The following DNMT3A variants were observed in gnomAD, a reference collection of about 807,000 sequenced individuals.
DNMT3A encodes DNA methyltransferase 3 alpha.
A neutral mutation model predicts 117.6 loss-of-function variants in DNMT3A; 267 were observed. The ratio of observed to expected loss-of-function variants is 2.27; its 90% confidence interval spans 2.05 to 2.51. DNMT3A has a LOEUF of 2.51. DNMT3A is among the 30% of genes most tolerant of loss of function. DNMT3A has a pLI of 0.00. For synonymous variants in DNMT3A, 432 were observed against 474.8 expected (o/e 0.91, Z 1.17); for missense variants, 1,029 against 1,260.2 (o/e 0.82, Z 2.78).
rs1193854504 is a variant in DNMT3A, at chr2:25,252,427, C to A, written c.640-4175G>T. 2 of 435,268 alleles carry A rather than the reference C, an allele frequency of 4.6e-6. No individual in the cohort carries two copies. 27.0% of individuals were successfully genotyped at this position (435,268 alleles called of 1,614,324 possible). ...AGGGCCTGGTTGGCTGCGAGCGGCC[C>A]GGGGAGGGGGCCGGCGCTCCGACGC... On this transcript the variant is annotated intron_variant, in intron 6 of 22. Transcript: ENST00000321117. This position sits in a 1 kb window ranked among gnomAD's most constrained non-coding sequence, Gnocchi z 5.5.
Position 25,281,786 on chromosome 2 carries a change from A to G in DNMT3A, c.448+655T>C. On this transcript the variant is annotated intron_variant, in intron 4 of 22. Coordinates refer to ENST00000321117, the MANE Select transcript of DNMT3A (RefSeq NM_022552.5). This position sits in a 1 kb window ranked among gnomAD's most constrained non-coding sequence, Gnocchi z 4.8. ...AAAGTGGGCAACTTTCCAGGCTTCC[A>G]GGGTTAGGCCAAAAAGTCCCCAGAT... 1 of 1,065,978 alleles carries G rather than the reference A, an allele frequency of 9.4e-7. No individual in the cohort carries two copies. The highest frequency in any genetic ancestry group is 1.1e-6 in the Non-Finnish European group (1 of 879,666). 66.0% of individuals were successfully genotyped at this position (1,065,978 alleles called of 1,614,324 possible).
At chr2:25,239,441 C>T (rs542951464) in intron 19 of DNMT3A, 31 of 627,366 alleles carry the variant, frequency 4.9e-5, no homozygotes, top group East Asian at 4.1e-4. Context: ...TGAACTTCTG[C>T]GATGGTGGGT....
intron 16 of DNMT3A, 73 bp from the exon 17 acceptor site, chr2:25,241,780 G>A: frequency 6.4e-7 from 1 of 1,569,352 alleles, no homozygotes; most frequent in African/African-American, 1.4e-5. Context: ...AGGTGAGCCT[G>A]CTGGCCAACA....
At chr2:25,262,001 A>T (rs977600887) in intron 6 of DNMT3A, among the ~76,000 whole-genome samples, 1 of 152,084 alleles carries the variant, frequency 6.6e-6, no homozygotes, top group Non-Finnish European at 1.5e-5. Flanking sequence ...CCTGGCCAAC[A>T]TGGTGAAACC....
In DNMT3A at chr2:25,252,957, G is replaced by A. The variant is rs1275574488; in HGVS notation, c.640-4705C>T. ...GAAGCGGGGGGGCCTCAAAAAGCGC[G>A]GCGTGAGGAGGTCAGGCTTCGAGTC... is the stretch of plus-strand genomic sequence containing the variant. On this transcript the variant is annotated intron_variant, in intron 6 of 22. Transcript: ENST00000321117. This position sits in a 1 kb window ranked among gnomAD's most constrained non-coding sequence, Gnocchi z 5.5. 2.6e-5 allele frequency among the ~76,000 whole-genome samples: 4 copies of A among 152,116 alleles called. No homozygotes were observed. Among genetic ancestry groups the A allele is most frequent in the African/African-American group, 4.8e-5 (2 of 41,430 alleles).
At chr2:25,314,679 A>C (rs1396972970) in intron 1 of DNMT3A, 1 of 985,256 alleles carries the variant, frequency 1.0e-6, no homozygotes, top group African/African-American at 1.7e-5. Flanking sequence ...CTGGGCCCAG[A>C]GAAAGCTGAG....
In DNMT3A at chr2:25,275,193, G is replaced by A. The variant is rs1292123627; in HGVS notation, c.493-106C>T. 6 of 1,412,448 alleles carry A rather than the reference G, an allele frequency of 4.2e-6. 1 individual carries two copies. The East Asian group carries it at 7.6e-5, about 18-fold the overall frequency. 87.5% of individuals were successfully genotyped at this position (1,412,448 alleles called of 1,614,324 possible). On this transcript the variant is annotated intron_variant, in intron 5 of 22. Transcript: ENST00000321117. The stretch of plus-strand genomic sequence containing the variant: ...GTGGACACTGGCTCCTGGCCAGAGA[G>A]GGCACCCCTGGGAGTGCTGGGCAGG...
chr2:25,324,470 C>T (rs1276878361), intron 1 of DNMT3A, among the ~76,000 whole-genome samples: 2 of 152,176 alleles, frequency 1.3e-5, no homozygotes, highest in Non-Finnish European at 2.9e-5. Context: ...TCAGAGCCAG[C>T]GCCATGATCG....
chr2:25,341,569 G>T (rs1408508696), intron 1 of DNMT3A, among the ~76,000 whole-genome samples: 2 of 146,720 alleles, frequency 1.4e-5, no homozygotes, highest in Non-Finnish European at 3.0e-5. Flanking sequence ...CGCCGGGAGC[G>T]GGCGGGACGG....
In DNMT3A at chr2:25,340,562, G is replaced by A. The variant is rs529429036; in HGVS notation, c.-178+1264C>T. On this transcript the variant is annotated intron_variant, in intron 1 of 22. Transcript: ENST00000321117. ...CCTGGGGGAGGGGAACTGGGGTGAG[G>A]GCGGGACACGGACAGCCGCCGCCTG... Among the ~76,000 whole-genome samples the A allele has an allele frequency of 6.4e-4, 97 of 152,158 alleles. 1 individual carries two copies. The East Asian group carries it at 0.019, about 29-fold the overall frequency.
chr2:25,321,291 C>T (rs991560025), intron 1 of DNMT3A, among the ~76,000 whole-genome samples: 1 of 152,160 alleles, frequency 6.6e-6, no homozygotes, highest in African/African-American at 2.4e-5. Context: ...CTAGAGGCTG[C>T]CCTCATTCCT....
rs917845068 is a variant in DNMT3A, at chr2:25,318,468, G to C, written c.-177-4307C>G. Among the ~76,000 whole-genome samples, 4 of 151,686 alleles carry C rather than the reference G, an allele frequency of 2.6e-5. No individual in the cohort carries two copies. In the East Asian group the frequency reaches 7.9e-4, roughly 30 times the overall value. ...CTCCCGGCTAATTCTTGTATTTTTA[G>C]TAGAGACAGCTTTCGCCATGTTGGC... On this transcript the variant is annotated intron_variant, in intron 1 of 22. Transcript: ENST00000321117.
At chr2:25,318,215 G>A (rs2034457338) in intron 1 of DNMT3A, among the ~76,000 whole-genome samples, 1 of 152,180 alleles carries the variant, frequency 6.6e-6, no homozygotes, top group Non-Finnish European at 1.5e-5. Flanking sequence ...ACTTATTCAG[G>A]TCAGCCTATG....
chr2:25,292,328 C>T (rs2032818866), intron 3 of DNMT3A, among the ~76,000 whole-genome samples: 6 of 151,386 alleles, frequency 4.0e-5, no homozygotes, highest in Admixed American at 4.0e-4. Flanking sequence ...CCGGCCTGGG[C>T]AACAGAGTGA....
At chr2:25,308,134 C>T (rs372169949) in intron 2 of DNMT3A, among the ~76,000 whole-genome samples, 140 of 152,228 alleles carry the variant, frequency 9.2e-4, no homozygotes, top group Admixed American at 2.0e-3. Flanking sequence ...ATTCATGGGG[C>T]GGCAGTGGGT....
chr2:25,336,384 T>A (rs143073202), intron 1 of DNMT3A, among the ~76,000 whole-genome samples: 1 of 152,198 alleles, frequency 6.6e-6, no homozygotes, highest in African/African-American at 2.4e-5. Context: ...CATGGAGACC[T>A]CTGGGAGGCC....
At chr2:25,242,701 TC>T (rs1674225502) in intron 16 of DNMT3A, among the ~76,000 whole-genome samples, 1 of 152,120 alleles carries the variant, frequency 6.6e-6, no homozygotes, top group Admixed American at 6.5e-5. Context: ...GAAGAGCTAT[TC>T]CTTTCTTAAA....
At position 25,234,422 on chromosome 2, in the gene DNMT3A, T is replaced by G; in HGVS notation, c.2598-2A>C. ...TAGTGGACTGGGAAACCAAATACCC[T>G]GGGGGAGAAAAGGCAGAGAGGGCAG... On this transcript the variant is annotated splice_acceptor_variant, in intron 22 of 22. Coordinates refer to ENST00000321117, the MANE Select transcript of DNMT3A (RefSeq NM_022552.5). LOFTEE classifies it high-confidence loss of function. This position sits in a 1 kb window ranked among gnomAD's most constrained non-coding sequence, Gnocchi z 4.5. The G allele has an allele frequency of 6.2e-7, 1 of 1,611,610 alleles. No homozygotes were observed. The highest frequency in any genetic ancestry group is 8.5e-7 in the Non-Finnish European group (1 of 1,178,622).
intron 1 of DNMT3A, among the ~76,000 whole-genome samples, chr2:25,335,521 C>T (rs1412802592): frequency 1.3e-5 from 2 of 152,184 alleles, no homozygotes; most frequent in African/African-American, 4.8e-5. Context: ...GCAAATCTAA[C>T]CCACACCCCA....
Sources: allele counts gnomAD v4.1 joint callset (sites outside exome capture counted in the v4.1 genomes callset), GRCh38; gene constraint gnomAD v4.1.1; non-coding constraint Gnocchi (gnomAD v3.1); transcripts MANE v1.5; gene names NCBI Gene and HGNC (gene_info 2026-07-23, HGNC 2026-07-21).